The following POLR3B variants were observed in gnomAD, a reference collection of about 807,000 sequenced individuals.
The protein encoded by POLR3B is RNA polymerase III subunit B, also known as DNA-directed RNA polymerase III subunit RPC2.
POLR3B carries 96 observed loss-of-function variants against 147.4 expected under a neutral mutation model. The ratio of observed to expected loss-of-function variants is 0.65; its 90% confidence interval spans 0.55 to 0.77. The LOEUF is 0.77. POLR3B is among the 30% of genes least tolerant of loss of function. The pLI is 0.00. For missense variants in POLR3B, 1,036 were observed against 1,413.5 expected (o/e 0.73, Z 4.28); for synonymous variants, 461 against 485.9 (o/e 0.95, Z 0.67).
chr12:106,368,983 C>G (rs2036567953), intron 4 of POLR3B, among the ~76,000 whole-genome samples: 2 of 151,978 alleles, frequency 1.3e-5, no homozygotes, highest in African/African-American at 4.8e-5. Flanking sequence ...CATCAGTACT[C>G]TTTACACTTT....
At chr12:106,379,954 G>T in intron 8 of POLR3B, 77 bp from the exon 9 acceptor site, 1 of 810,388 alleles carries the variant, frequency 1.2e-6, no homozygotes, top group South Asian at 1.4e-5. Context: ...ATTGATTAAT[G>T]ATCATTGCTA....
At chr12:106,405,358 C>G (rs1429045015) in intron 10 of POLR3B, among the ~76,000 whole-genome samples, 1 of 152,096 alleles carries the variant, frequency 6.6e-6, no homozygotes, top group Non-Finnish European at 1.5e-5. Context: ...ATTGAATCAT[C>G]CAGTCCACGA....
intron 7 of POLR3B, among the ~76,000 whole-genome samples, chr12:106,377,269 C>T (rs201654083): frequency 1.3e-5 from 2 of 152,114 alleles, no homozygotes; most frequent in East Asian, 3.8e-4. Flanking sequence ...TTCTTTAACT[C>T]GTATTTCACA....
At chr12:106,369,520 G>T in intron 5 of POLR3B, 63 bp from the exon 6 acceptor site, 3 of 1,140,738 alleles carry the variant, frequency 2.6e-6, no homozygotes, top group East Asian at 2.3e-5. Context: ...GGAGCACTTT[G>T]AAGTGGTCAG....
chr12:106,391,669 C>T lies in POLR3B; in HGVS notation c.724-1362C>T, dbSNP rs773944826. On this transcript the variant is annotated intron_variant, in intron 9 of 27. Transcript: ENST00000228347. The stretch of plus-strand genomic sequence containing the variant: ...ATTTATGCAAATGAGAAAACAAAGG[C>T]GAAGAGGTTGCATGACAGTAGTAGT... Among the ~76,000 whole-genome samples the T allele has an allele frequency of 5.3e-5, 8 of 152,090 alleles. No homozygotes were observed. The South Asian group carries it at 1.2e-3, about 24-fold the overall frequency.
chr12:106,501,462 A>T, intron 26 of POLR3B, 26 bp downstream of exon 26: 2 of 1,297,840 alleles, frequency 1.5e-6, no homozygotes, highest in Non-Finnish European at 2.2e-6. Flanking sequence ...TTACAAAAAG[A>T]ATTGATAATG....
chr12:106,441,886 A>C (rs751467111), intron 18 of POLR3B, among the ~76,000 whole-genome samples: 13 of 152,048 alleles, frequency 8.5e-5, no homozygotes, highest in Non-Finnish European at 1.8e-4. Context: ...TTTGAGACCA[A>C]CCTGACCAAC....
rs756267863 is a variant in POLR3B at position 106,446,312 on chromosome 12, G to A, written c.2083+1722G>A. 3.4e-4 allele frequency: 155 copies of A among 451,128 alleles called. 1 individual carries two copies. Among genetic ancestry groups the A allele is most frequent in the Admixed American group, 2.0e-3 (85 of 41,752 alleles). 27.9% of individuals were successfully genotyped at this position (451,128 alleles called of 1,614,324 possible). A position where few individuals can be genotyped will look rare whatever the true frequency, so the allele number is the denominator to read the frequency against. On this transcript the variant is annotated intron_variant, in intron 19 of 27. Coordinates refer to ENST00000228347, the MANE Select transcript of POLR3B (RefSeq NM_018082.6). The stretch of plus-strand genomic sequence containing the variant: ...CCACTCTTCAGTGTGTTTGAAGATC[G>A]AAACAGAGCTGCAACTATCTCTATG...
intron 12 of POLR3B, among the ~76,000 whole-genome samples, chr12:106,425,175 CTT>C (rs1313006599): frequency 6.6e-6 from 1 of 152,170 alleles, no homozygotes; most frequent in African/African-American, 2.4e-5. Context: ...CATGGGCAAT[CTT>C]TTCTTTTTCC....
chr12:106,375,304 C>T (rs1275406131), intron 6 of POLR3B, among the ~76,000 whole-genome samples: 3 of 152,132 alleles, frequency 2.0e-5, no homozygotes, highest in Non-Finnish European at 2.9e-5. Flanking sequence ...CTGTGATCTG[C>T]TTAGGTGTAG....
At chr12:106,447,964 G>T (rs1468171133) in intron 19 of POLR3B, among the ~76,000 whole-genome samples, 1 of 152,114 alleles carries the variant, frequency 6.6e-6, no homozygotes, top group East Asian at 1.9e-4. Context: ...CTAGAAATAG[G>T]CTGGAGAATT....
At chr12:106,450,343 G>C (rs1448882060) in intron 19 of POLR3B, among the ~76,000 whole-genome samples, 1 of 152,128 alleles carries the variant, frequency 6.6e-6, no homozygotes, top group African/African-American at 2.4e-5. Flanking sequence ...TACATAAAGA[G>C]TACAAAGTAT....
At chr12:106,359,377 G>A (rs2036434759) in intron 1 of POLR3B, among the ~76,000 whole-genome samples, 1 of 148,452 alleles carries the variant, frequency 6.7e-6, no homozygotes, top group Non-Finnish European at 1.5e-5. Flanking sequence ...TGTCGCCCAG[G>A]CTGGAGTGCA....
At chr12:106,467,385 A>G (rs1001910090) in intron 23 of POLR3B, among the ~76,000 whole-genome samples, 2 of 152,318 alleles carry the variant, frequency 1.3e-5, no homozygotes, top group Middle Eastern at 3.4e-3. Flanking sequence ...ATACACAATC[A>G]TGTCATCTGC....
chr12:106,376,333 A>G (rs1410254960), intron 6 of POLR3B, 26 bp from the exon 7 acceptor site: 6 of 1,512,796 alleles, frequency 4.0e-6, no homozygotes, highest in Non-Finnish European at 5.5e-6. Flanking sequence ...TACATGTGAT[A>G]TTTTCTTTTG....
chr12:106,453,586 C>T (rs890820213), intron 19 of POLR3B, among the ~76,000 whole-genome samples: 4 of 151,998 alleles, frequency 2.6e-5, no homozygotes, highest in African/African-American at 7.3e-5. Context: ...GCTCAGTAGC[C>T]CACACTCAAG....
chr12:106,405,029 A>C (rs1379911260), intron 10 of POLR3B, among the ~76,000 whole-genome samples: 1 of 152,194 alleles, frequency 6.6e-6, no homozygotes, highest in Non-Finnish European at 1.5e-5. Flanking sequence ...ATCAAAAGTC[A>C]ACTGACCATT....
At chr12:106,428,822 A>AC (rs1388336996) in intron 13 of POLR3B, among the ~76,000 whole-genome samples, 1 of 152,206 alleles carries the variant, frequency 6.6e-6, no homozygotes, top group Non-Finnish European at 1.5e-5. Flanking sequence ...GCTCTTTCCC[A>AC]CGTTTCAGAA....
chr12:106,500,803 T>C (rs1220823560), intron 25 of POLR3B, among the ~76,000 whole-genome samples: 2 of 152,156 alleles, frequency 1.3e-5, no homozygotes, highest in Non-Finnish European at 2.9e-5. Flanking sequence ...CAGTGAGGTG[T>C]GCAGGAACTG....
Sources: gnomAD v4.1 joint callset for allele counts (sites outside exome capture counted in the v4.1 genomes callset) on GRCh38, gnomAD v4.1.1 for gene constraint, MANE v1.5 for transcripts, NCBI Gene and HGNC (gene_info 2026-07-23, HGNC 2026-07-21) for gene names.